The following PDE11A variants were observed in gnomAD, a reference collection of about 807,000 sequenced individuals.
The protein encoded by PDE11A is phosphodiesterase 11A.
A neutral mutation model predicts 100.5 loss-of-function variants in PDE11A; 100 were observed. The observed-to-expected ratio is 1.00, with a 90% confidence interval of 0.85 to 1.18. The LOEUF is 1.18. Ranked by LOEUF, PDE11A falls within the 50% of genes most tolerant of loss-of-function variation. PDE11A has a pLI of 0.00. For synonymous variants in PDE11A, 381 were observed against 420.8 expected (o/e 0.91, Z 1.16); for missense variants, 1,141 against 1,152.6 (o/e 0.99, Z 0.15).
intron 9 of PDE11A, among the ~76,000 whole-genome samples, chr2:177,804,347 A>G (rs1409722532): frequency 6.6e-6 from 1 of 152,078 alleles, no homozygotes; most frequent in Non-Finnish European, 1.5e-5. Flanking sequence ...ATCACTAATC[A>G]TCAGAGAAAT....
rs751542836 is a variant in PDE11A, at chr2:177,663,958, G to C, written c.2563-9C>G. ...TTCCGATCAAAAATTGCCTAGAATGGGGGGCAGGAAGAACCTCGCTTTATT... is the reference window on the plus strand; with the variant it reads ...TTCCGATCAAAAATTGCCTAGAATGCGGGGCAGGAAGAACCTCGCTTTATT... On this transcript the variant is annotated splice_polypyrimidine_tract_variant and intron_variant, in intron 18 of 19. Transcript: ENST00000286063. 7 of 1,593,396 alleles carry C rather than the reference G, an allele frequency of 4.4e-6. No homozygotes were observed. The South Asian group carries it at 5.5e-5, about 13-fold the overall frequency.
intron 9 of PDE11A, among the ~76,000 whole-genome samples, chr2:177,777,422 C>T (rs1441857243): frequency 6.6e-6 from 1 of 152,122 alleles, no homozygotes; most frequent in East Asian, 1.9e-4. Flanking sequence ...GTTTTATATA[C>T]ATAAATAATA....
intron 12 of PDE11A, among the ~76,000 whole-genome samples, chr2:177,724,884 C>T (rs773836389): frequency 3.9e-5 from 6 of 152,062 alleles, no homozygotes; most frequent in South Asian, 2.1e-4. Context: ...AGCACACACA[C>T]GCTGTGCTTT....
chr2:177,842,685 G>T (rs1026064244), intron 5 of PDE11A, among the ~76,000 whole-genome samples: 3 of 152,242 alleles, frequency 2.0e-5, no homozygotes, highest in Non-Finnish European at 2.9e-5. Context: ...AAGTCATGCA[G>T]GTGGGAGGTG....
rs766285756 is a variant in PDE11A, at chr2:177,663,957, G to T, written c.2563-8C>A. 3.0e-5 allele frequency: 47 copies of T among 1,593,158 alleles called. No homozygotes were observed. The highest frequency in any genetic ancestry group is 3.7e-5 in the Non-Finnish European group (43 of 1,161,230). On this transcript the variant is annotated splice_polypyrimidine_tract_variant and splice_region_variant and intron_variant, in intron 18 of 19. Coordinates refer to ENST00000286063, the MANE Select transcript of PDE11A (RefSeq NM_016953.4). The stretch of plus-strand genomic sequence containing the variant: ...GTTCCGATCAAAAATTGCCTAGAAT[G>T]GGGGGCAGGAAGAACCTCGCTTTAT...
chr2:177,798,031 C>T (rs1574153155), intron 9 of PDE11A, among the ~76,000 whole-genome samples: 1 of 152,140 alleles, frequency 6.6e-6, no homozygotes, highest in Non-Finnish European at 1.5e-5. Flanking sequence ...CAGCCTCAGG[C>T]CCTGCCTCTC....
At chr2:178,032,411 G>A (rs981390483) in intron 1 of PDE11A, among the ~76,000 whole-genome samples, 1 of 151,912 alleles carries the variant, frequency 6.6e-6, no homozygotes, top group African/African-American at 2.4e-5. Context: ...TTGAACCCGG[G>A]AGGCAGAGGT....
At chr2:177,804,124 T>C (rs1045359305) in intron 9 of PDE11A, among the ~76,000 whole-genome samples, 5 of 151,318 alleles carry the variant, frequency 3.3e-5, no homozygotes, top group African/African-American at 1.2e-4. Context: ...AGACTGAAGC[T>C]AAAACCTTCC....
chr2:177,778,284 C>A (rs2082405788), intron 9 of PDE11A, among the ~76,000 whole-genome samples: 1 of 152,216 alleles, frequency 6.6e-6, no homozygotes, highest in Non-Finnish European at 1.5e-5. Flanking sequence ...CCCTGAGTAG[C>A]TGGAAGACAG....
intron 17 of PDE11A, among the ~76,000 whole-genome samples, chr2:177,669,932 T>C (rs1461192772): frequency 2.0e-5 from 3 of 152,248 alleles, no homozygotes; most frequent in South Asian, 2.1e-4. Context: ...TATTATATTA[T>C]GTAATGATAG....
intron 19 of PDE11A, among the ~76,000 whole-genome samples, chr2:177,631,616 CATATATGTGTGTGTATATATATACAT>C (rs1559117642): frequency 9.9e-6 from 1 of 101,064 alleles, no homozygotes; most frequent in Non-Finnish European, 1.8e-5. Context: ...TATATATATA[CATATATGTGTGTGTATATATATACAT>C]ATATATGTGT....
At chr2:177,985,896 G>T (rs778624325) in intron 2 of PDE11A, among the ~76,000 whole-genome samples, 1 of 152,202 alleles carries the variant, frequency 6.6e-6, no homozygotes, top group Non-Finnish European at 1.5e-5. Context: ...GGGTGGAATT[G>T]CCCTAAAAAA....
chr2:177,937,965 G>T (rs752872206), intron 2 of PDE11A, among the ~76,000 whole-genome samples: 49 of 152,160 alleles, frequency 3.2e-4, no homozygotes, highest in Admixed American at 9.2e-4. Flanking sequence ...ATGAAGACAG[G>T]CAGAAATTGG....
chr2:178,042,199 G>T (rs914846152), intron 1 of PDE11A, among the ~76,000 whole-genome samples: 4 of 152,048 alleles, frequency 2.6e-5, no homozygotes, highest in Non-Finnish European at 5.9e-5. Context: ...TCATCCTAAG[G>T]CTGGGTATGG....
At chr2:177,871,944 G>A (rs538259634) in intron 5 of PDE11A, among the ~76,000 whole-genome samples, 2 of 152,172 alleles carry the variant, frequency 1.3e-5, no homozygotes, top group Non-Finnish European at 2.9e-5. Context: ...ACACTACATA[G>A]GAGAAATGCT....
chr2:178,071,072 T>C (rs1020138518), intron 1 of PDE11A, among the ~76,000 whole-genome samples: 6 of 152,326 alleles, frequency 3.9e-5, no homozygotes, highest in Admixed American at 3.9e-4. Flanking sequence ...TTTCCAATAT[T>C]GACTTAGAGA....
chr2:178,081,379 A>G (rs970645978), intron 2 of PDE11A, among the ~76,000 whole-genome samples: 2 of 152,226 alleles, frequency 1.3e-5, no homozygotes, highest in African/African-American at 4.8e-5. Flanking sequence ...TTACCAGTTT[A>G]TAAAAGAAAA....
At chr2:177,980,486 A>T (rs1426555179) in intron 2 of PDE11A, among the ~76,000 whole-genome samples, 1 of 150,888 alleles carries the variant, frequency 6.6e-6, no homozygotes, top group Admixed American at 6.6e-5. Flanking sequence ...CCTTTGGAAG[A>T]CAGCTGTTCT....
At chr2:177,935,307 G>A (rs2085258171) in intron 2 of PDE11A, among the ~76,000 whole-genome samples, 1 of 152,120 alleles carries the variant, frequency 6.6e-6, no homozygotes, top group African/African-American at 2.4e-5. Flanking sequence ...TTCTCAGACT[G>A]CGAGGGGTCA....
Sources: gnomAD v4.1 joint callset for allele counts (sites outside exome capture counted in the v4.1 genomes callset) on GRCh38, gnomAD v4.1.1 for gene constraint, MANE v1.5 for transcripts, NCBI Gene and HGNC (gene_info 2026-07-23, HGNC 2026-07-21) for gene names.